ZNF423: variants seen among roughly 807,000 people sequenced by gnomAD.
ZNF423 encodes zinc finger protein 423.
A neutral mutation model predicts 95.8 loss-of-function variants in ZNF423; 12 were observed. The observed-to-expected ratio is 0.13, with a 90% CI of 0.08 to 0.20. The LOEUF is 0.20. Among genes scored for constraint, ZNF423 ranks in the 10% least tolerant of loss-of-function variants. The pLI is 1.00. For missense variants in ZNF423, 1,316 were observed against 1,737.1 expected (o/e 0.76, Z 4.31); for synonymous variants, 749 against 711.9 (o/e 1.05, Z -0.83).
At chr16:49,731,114 A>C (rs2033157323) in intron 2 of ZNF423, 143 bp from the exon 3 acceptor site, 1 of 992,078 alleles carries the variant, frequency 1.0e-6, no homozygotes, top group African/African-American at 1.6e-5. Flanking sequence ...CAGTATATTA[A>C]TAGATGGGGT....
intron 5 of ZNF423, among the ~76,000 whole-genome samples, chr16:49,598,068 A>G (rs16947671): frequency 0.24 from 36,484 of 151,966 alleles, 4,655 homozygotes; most frequent in Admixed American, 0.33. Context: ...TGTCAATCAC[A>G]CACAACCTCC....
At chr16:49,544,708 G>T (rs2151743860) in intron 5 of ZNF423, among the ~76,000 whole-genome samples, 1 of 152,372 alleles carries the variant, frequency 6.6e-6, no homozygotes, top group African/African-American at 2.4e-5. Context: ...TGAAGGCTTG[G>T]GAGGGTTTTC....
At chr16:49,791,615 G>A (rs565252087) in intron 1 of ZNF423, among the ~76,000 whole-genome samples, 1 of 152,228 alleles carries the variant, frequency 6.6e-6, no homozygotes, top group South Asian at 2.1e-4. Context: ...TGACGTAAAG[G>A]TATATGAGCT....
intron 3 of ZNF423, among the ~76,000 whole-genome samples, chr16:49,679,129 A>C (rs1230228691): frequency 6.6e-6 from 1 of 152,208 alleles, no homozygotes; most frequent in African/African-American, 2.4e-5. Context: ...TTCAGTATAC[A>C]CAGGGTCTCA....
intron 7 of ZNF423, among the ~76,000 whole-genome samples, chr16:49,513,307 T>C (rs900850107): frequency 2.0e-5 from 3 of 152,128 alleles, no homozygotes; most frequent in African/African-American, 7.2e-5. Flanking sequence ...AGAAGTCAGG[T>C]TGACAAGGAT....
chr16:49,821,948 T>A (rs1232307080), intron 1 of ZNF423, among the ~76,000 whole-genome samples: 1 of 152,092 alleles, frequency 6.6e-6, no homozygotes, highest in Non-Finnish European at 1.5e-5. Flanking sequence ...ATGCCTCCAG[T>A]TGGGTCTTCC....
At chr16:49,803,075 C>T (rs2034606480) in intron 1 of ZNF423, among the ~76,000 whole-genome samples, 1 of 151,630 alleles carries the variant, frequency 6.6e-6, no homozygotes, top group Admixed American at 6.6e-5. Flanking sequence ...GGCAACATAT[C>T]GAGATTCCGT....
At chr16:49,533,944 C>T (rs896355163) in intron 5 of ZNF423, among the ~76,000 whole-genome samples, 4 of 152,094 alleles carry the variant, frequency 2.6e-5, no homozygotes, top group Non-Finnish European at 5.9e-5. Context: ...GATTGCTTGA[C>T]CCCAGGAGCT....
rs555880294 is a variant in ZNF423 at position 49,536,503 on chromosome 16, T to C, written c.3602-11009A>G. 1.1e-4 allele frequency among the ~76,000 whole-genome samples: 16 copies of C among 150,384 alleles called. No individual in the cohort carries two copies. In the South Asian group the frequency reaches 3.4e-3, roughly 32 times the overall value. On this transcript the variant is annotated intron_variant, in intron 5 of 7. Transcript: ENST00000563137. ...GTTTGCCCAGCCTGGAGTGCCATAG[T>C]ATGATCACAGCTTAGTGCAGCTTCA...
chr16:49,830,154 G>A (rs751222302), intron 1 of ZNF423, among the ~76,000 whole-genome samples: 31 of 152,294 alleles, frequency 2.0e-4, no homozygotes, highest in Non-Finnish European at 3.7e-4. Flanking sequence ...AGGGAAGGCC[G>A]CGCAGAAGAG....
In ZNF423 at chr16:49,636,506, C is replaced by T. The variant is rs369348426; in HGVS notation, c.2670G>A (p.Ser890=). 114 of 1,613,732 alleles carry T rather than the reference C, an allele frequency of 7.1e-5. No individual in the cohort carries two copies. The highest frequency in any genetic ancestry group is 1.6e-4 in the Middle Eastern group (1 of 6,062). The change falls in exon 4 of 8, where the codon TCG becomes TCA. Residue 890 remains serine (S), a synonymous_variant. Transcript: ENST00000563137. This position sits in a 1 kb window ranked among gnomAD's most constrained non-coding sequence, Gnocchi z 8.6. ...HEASEDDVDA[S]EPMYGCDICG... is the part of the protein sequence containing the mutation. ...AGATGTCACAGCCGTACATGGGCTC[C>T]GACGCGTCCACGTCATCCTCGCTGG...
intron 3 of ZNF423, among the ~76,000 whole-genome samples, chr16:49,658,160 A>G (rs78557935): frequency 0.027 from 4,166 of 152,322 alleles, 95 homozygotes; most frequent in Non-Finnish European, 0.046. Flanking sequence ...GATGTGGCGC[A>G]AGTCCTGCTG....
chr16:49,665,667 G>A (rs981343040), intron 3 of ZNF423, among the ~76,000 whole-genome samples: 1 of 152,068 alleles, frequency 6.6e-6, no homozygotes, highest in South Asian at 2.1e-4. Context: ...AGCCCTGGTA[G>A]CACCGCCCCC....
At chr16:49,694,920 A>G (rs746393876) in intron 3 of ZNF423, among the ~76,000 whole-genome samples, 3 of 152,242 alleles carry the variant, frequency 2.0e-5, no homozygotes, top group East Asian at 1.9e-4. Context: ...GCAAAATATG[A>G]CCAAGCCTTA....
intron 3 of ZNF423, among the ~76,000 whole-genome samples, chr16:49,707,488 G>T (rs1363620737): frequency 1.3e-5 from 2 of 151,794 alleles, no homozygotes; most frequent in Non-Finnish European, 2.9e-5. Flanking sequence ...ATGGTGGCAG[G>T]CGCTTGTAAT....
At position 49,490,759 on chromosome 16, in the gene ZNF423, A is replaced by G. The variant is rs565471012; in HGVS notation, c.*516T>C. 6.3e-5 allele frequency: 10 copies of G among 159,082 alleles called. No individual in the cohort carries two copies. The highest frequency in any genetic ancestry group is 3.0e-4 in the Admixed American group (5 of 16,798). 9.9% of individuals were successfully genotyped at this position (159,082 alleles called of 1,614,324 possible). On this transcript the variant is annotated 3_prime_UTR_variant, in exon 8 of 8. Coordinates refer to ENST00000563137, the MANE Select transcript of ZNF423 (RefSeq NM_001379286.1). ...GTGAACTGGCAAATCCAATCAAAGC[A>G]TTAGTCTTTAATTAAAAAATTAAAA...
intron 5 of ZNF423, among the ~76,000 whole-genome samples, chr16:49,595,790 G>T (rs59642940): frequency 1.3e-5 from 2 of 152,056 alleles, no homozygotes; most frequent in Non-Finnish European, 2.9e-5. Flanking sequence ...AGCAGAGAAT[G>T]TATAAATATT....
intron 3 of ZNF423, among the ~76,000 whole-genome samples, chr16:49,697,955 T>G (rs1256101959): frequency 6.6e-6 from 1 of 152,146 alleles, no homozygotes; most frequent in Non-Finnish European, 1.5e-5. Context: ...GTCTGTGGCA[T>G]GAACCACTGC....
At chr16:49,593,832 G>A (rs755766257) in intron 5 of ZNF423, among the ~76,000 whole-genome samples, 1 of 152,136 alleles carries the variant, frequency 6.6e-6, no homozygotes, top group Non-Finnish European at 1.5e-5. Flanking sequence ...GGGAGAGGGG[G>A]CCGCGGAGGC....
Sources: gnomAD v4.1 joint callset for allele counts (sites outside exome capture counted in the v4.1 genomes callset) on GRCh38, gnomAD v4.1.1 for gene constraint, Gnocchi (gnomAD v3.1) non-coding constraint, MANE v1.5 for transcripts, NCBI Gene and HGNC (gene_info 2026-07-23, HGNC 2026-07-21) for gene names.